The following MELK variants were observed in gnomAD, a reference collection of about 807,000 sequenced individuals.
The protein encoded by MELK is pEg3 kinase.
Under a neutral mutation model 85.0 loss-of-function variants are expected in MELK, and 81 were observed. The observed-to-expected ratio is 0.95, with a 90% CI of 0.80 to 1.15. The LOEUF (loss-of-function observed/expected upper bound fraction) is 1.15. MELK is among the 50% of genes most tolerant of loss of function. MELK has a pLI of 0.00. For missense variants in MELK, 754 were observed against 777.5 expected (o/e 0.97, Z 0.36); for synonymous variants, 252 against 265.0 (o/e 0.95, Z 0.48).
intron 5 of MELK, among the ~76,000 whole-genome samples, chr9:36,595,169 T>C (rs1450247909): frequency 6.6e-6 from 1 of 151,956 alleles, no homozygotes; most frequent in East Asian, 1.9e-4. Context: ...GGAGTCTCAC[T>C]CCGTCGCCCA....
chr9:36,654,182 G>C (rs1671766208), intron 12 of MELK, among the ~76,000 whole-genome samples: 1 of 151,864 alleles, frequency 6.6e-6, no homozygotes, highest in African/African-American at 2.4e-5. Context: ...AACACATCTG[G>C]GTCCAGGAAA....
At chr9:36,590,317 A>G (rs1226959551) in intron 4 of MELK, among the ~76,000 whole-genome samples, 1 of 152,182 alleles carries the variant, frequency 6.6e-6, no homozygotes, top group East Asian at 1.9e-4. Context: ...ATTGTCTGAC[A>G]GTTCTGGAGG....
At chr9:36,609,465 T>C (rs1295548229) in intron 8 of MELK, among the ~76,000 whole-genome samples, 3 of 150,348 alleles carry the variant, frequency 2.0e-5, no homozygotes, top group African/African-American at 7.3e-5. Context: ...TTTTTTTTTT[T>C]GAGATAAGGT....
chr9:36,576,445 T>G (rs1821652726), intron 1 of MELK, among the ~76,000 whole-genome samples: 1 of 152,182 alleles, frequency 6.6e-6, no homozygotes, highest in South Asian at 2.1e-4. Context: ...TGAACCTTGT[T>G]TTTTAAAGCT....
intron 1 of MELK, among the ~76,000 whole-genome samples, chr9:36,578,832 GATA>G (rs756092577): frequency 4.0e-5 from 6 of 151,848 alleles, no homozygotes; most frequent in Admixed American, 6.6e-5. Context: ...ATTTAGTATA[GATA>G]ATAATAATAG....
At chr9:36,624,023 G>T (rs968463851) in intron 8 of MELK, among the ~76,000 whole-genome samples, 1 of 151,284 alleles carries the variant, frequency 6.6e-6, no homozygotes, top group African/African-American at 2.4e-5. Context: ...AATGCTTTAT[G>T]TATACTAAAT....
At chr9:36,589,306 G>T (rs949626902) in intron 3 of MELK, among the ~76,000 whole-genome samples, 2 of 151,958 alleles carry the variant, frequency 1.3e-5, no homozygotes, top group South Asian at 2.1e-4. Context: ...CTGCCACCAC[G>T]CCCGGCTAAT....
intron 8 of MELK, among the ~76,000 whole-genome samples, chr9:36,620,105 G>A (rs1405007499): frequency 6.6e-6 from 1 of 152,178 alleles, no homozygotes; most frequent in Non-Finnish European, 1.5e-5. Flanking sequence ...TATAGCTAGT[G>A]AGTAGCAGAG....
chr9:36,586,177 C>T (rs927465992), intron 3 of MELK, among the ~76,000 whole-genome samples: 3 of 151,840 alleles, frequency 2.0e-5, no homozygotes, highest in Admixed American at 6.6e-5. Flanking sequence ...CCCTTCTCTA[C>T]GAAAAATACA....
At chr9:36,587,840 T>A (rs1185465990) in intron 3 of MELK, among the ~76,000 whole-genome samples, 2 of 151,528 alleles carry the variant, frequency 1.3e-5, no homozygotes, top group Admixed American at 1.3e-4. Flanking sequence ...AGTGGCACGA[T>A]CTCGGCCACT....
intron 1 of MELK, chr9:36,573,344 G>C (rs1048979764): frequency 6.6e-6 from 1 of 152,194 alleles, no homozygotes; most frequent in Admixed American, 6.5e-5. Flanking sequence ...GAAAAAAGTT[G>C]ACAGAAGGGT....
rs1187325501 is a variant in MELK, at chr9:36,589,607, C to G, written c.216C>G (p.Leu72=). The G allele has an allele frequency of 6.2e-7, 1 of 1,613,914 alleles. No individual in the cohort carries two copies. The highest frequency in any genetic ancestry group is 8.5e-7 in the Non-Finnish European group (1 of 1,179,958). ...TGAGACATCAGCATATATGTCAACT[C>G]TACCATGTGCTAGAGACAGCCAACA... is the stretch of plus-strand genomic sequence containing the variant. ...KNLRHQHICQ[L]YHVLETANKI... Residue 72 remains leucine (L), a synonymous_variant, in exon 4 of 18, where the codon CTC becomes CTG. Transcript: ENST00000298048.
intron 7 of MELK, chr9:36,606,672 G>A (rs960652482): frequency 1.4e-5 from 2 of 145,374 alleles, no homozygotes; most frequent in African/African-American, 2.6e-5. Context: ...TGTATATATG[G>A]ACATATATAT....
chr9:36,588,805 C>G (rs1823224889), intron 3 of MELK, among the ~76,000 whole-genome samples: 1 of 152,132 alleles, frequency 6.6e-6, no homozygotes, highest in Non-Finnish European at 1.5e-5. Flanking sequence ...TTGAAAGTTT[C>G]AAGACCTCAG....
chr9:36,608,585 C>CTT (rs555426519), intron 8 of MELK, among the ~76,000 whole-genome samples: 8 of 145,030 alleles, frequency 5.5e-5, no homozygotes, highest in South Asian at 2.2e-4. Flanking sequence ...ATACAAACTT[C>CTT]TTTTTTTTTT....
chr9:36,598,256 AGTT>A (rs1376960761), intron 6 of MELK, among the ~76,000 whole-genome samples: 1 of 151,714 alleles, frequency 6.6e-6, no homozygotes, highest in Non-Finnish European at 1.5e-5. Context: ...AACTGGTTTA[AGTT>A]GTTCTCCATG....
chr9:36,660,537 G>T (rs1303422375), intron 13 of MELK, among the ~76,000 whole-genome samples: 1 of 151,836 alleles, frequency 6.6e-6, no homozygotes, highest in Non-Finnish European at 1.5e-5. Flanking sequence ...GCCCAGGCTG[G>T]TCTCAAACTC....
chr9:36,587,856 G>A (rs1447287181), intron 3 of MELK, among the ~76,000 whole-genome samples: 1 of 151,334 alleles, frequency 6.6e-6, no homozygotes, highest in Non-Finnish European at 1.5e-5. Flanking sequence ...CCACTCCCAG[G>A]TTCAAGTGAT....
At chr9:36,605,789 GT>G (rs1273384676) in intron 7 of MELK, among the ~76,000 whole-genome samples, 2 of 151,394 alleles carry the variant, frequency 1.3e-5, no homozygotes, top group African/African-American at 2.4e-5. Flanking sequence ...TATTTTAACT[GT>G]TTTCTCTTTC....
Sources: allele counts gnomAD v4.1 joint callset (sites outside exome capture counted in the v4.1 genomes callset), GRCh38; gene constraint gnomAD v4.1.1; transcripts MANE v1.5; gene names NCBI Gene and HGNC (gene_info 2026-07-23, HGNC 2026-07-21).